Variants in TENM3 observed in about 807,000 individuals in gnomAD.
TENM3 encodes the protein teneurin transmembrane protein 3.
TENM3 carries 63 observed loss-of-function variants against 255.1 expected under a neutral mutation model. That is an observed-to-expected ratio of 0.25 (90% CI 0.20 to 0.30). TENM3 has a LOEUF of 0.30. TENM3 is among the 10% of genes least tolerant of loss of function. The probability of loss-of-function intolerance (pLI) is 1.00; values close to 1 mark genes in which losing one functional copy is unlikely to be tolerated. For missense variants in TENM3, 2,929 were observed against 3,461.1 expected, an observed-to-expected ratio of 0.85 and a Z score of 3.86; for synonymous variants, 1,306 against 1,322.3, an observed-to-expected ratio of 0.99 and a Z score of 0.27.
At chr4:182,239,696 G>A (rs148780455), upstream of TENM3, among the ~76,000 whole-genome samples, 1,217 of 152,206 alleles carry the variant, frequency 8.0e-3, 11 homozygotes, top group African/African-American at 0.028. Flanking sequence ...AGGGTAGGGA[G>A]AAAATACCAC....
At chr4:181,467,879 T>A in the TENM3 span, among the ~76,000 whole-genome samples, 2 of 151,932 alleles carry the variant, frequency 1.3e-5, no homozygotes, top group South Asian at 2.1e-4. Context: ...TACTTTCATC[T>A]GGATTGACCC....
chr4:182,467,197 G>T (rs565473881), intron 3 of TENM3, among the ~76,000 whole-genome samples: 2 of 152,116 alleles, frequency 1.3e-5, no homozygotes, highest in African/African-American at 4.8e-5. Flanking sequence ...GCATCTTAGA[G>T]TATCCTAGTC....
chr4:182,682,091 C>T, intron 11 of TENM3, 77 bp downstream of exon 11: 1 of 1,218,500 alleles, frequency 8.2e-7, no homozygotes, highest in Non-Finnish European at 1.2e-6. Context: ...CTTTAAACCT[C>T]CCTTTTTAAA....
the TENM3 span, among the ~76,000 whole-genome samples, chr4:182,052,233 T>C: frequency 6.6e-6 from 1 of 152,068 alleles, no homozygotes; most frequent in South Asian, 2.1e-4. Context: ...CTTTTATCCA[T>C]AGACCTCTTA....
At chr4:181,762,253 G>A in the TENM3 span, among the ~76,000 whole-genome samples, 1 of 152,270 alleles carries the variant, frequency 6.6e-6, no homozygotes, top group Admixed American at 6.5e-5. Flanking sequence ...GCAGTAGAAT[G>A]AGACTCCAAG....
chr4:182,789,410 C>T lies in TENM3; in HGVS notation c.5601+21C>T. ...AAAAGGTATGCCTGCAAACTAAGCT[C>T]AACAATAGGGAAAGGATAATTCACA... On this transcript the variant is annotated intron_variant, in intron 25 of 27. Transcript: ENST00000511685. The surrounding 1 kb of genome is among the most constrained non-coding windows in gnomAD (Gnocchi z 4.4). 1 of 1,597,506 alleles carries T rather than the reference C, an allele frequency of 6.3e-7. No individual in the cohort carries two copies. The highest frequency in any genetic ancestry group is 8.6e-7 in the Non-Finnish European group (1 of 1,168,630).
chr4:182,244,416 G>C (rs527307665), intron 1 of TENM3, among the ~76,000 whole-genome samples: 16 of 152,304 alleles, frequency 1.1e-4, no homozygotes, highest in Admixed American at 4.6e-4. Flanking sequence ...ATACATGTTA[G>C]AGTGATTGAC....
rs1018464219 is a variant in TENM3, at chr4:182,385,564, C to G, written c.511+38635C>G. On this transcript the variant is annotated intron_variant, in intron 3 of 27. Transcript: ENST00000511685. ...ATAGGCGTGAGCCACCGCGCCCAGC[C>G]AGTGCATCTTCTAAAGATAAGAAAT... Among the ~76,000 whole-genome samples the G allele has an allele frequency of 7.9e-5, 12 of 152,228 alleles. No homozygotes were observed. The East Asian group carries it at 2.3e-3, about 29-fold the overall frequency.
chr4:182,169,689 A>G (rs1751972869), intron 1 of TENM3, among the ~76,000 whole-genome samples: 1 of 152,110 alleles, frequency 6.6e-6, no homozygotes, highest in African/African-American at 2.4e-5. Context: ...TGTAATTTAC[A>G]TTGGCGTTTG....
the TENM3 span, among the ~76,000 whole-genome samples, chr4:181,837,418 T>C: frequency 6.6e-6 from 1 of 152,216 alleles, no homozygotes; most frequent in African/African-American, 2.4e-5. Context: ...CACAGGCTTT[T>C]TTCACATTTA....
chr4:182,621,371 A>G (rs1037004109), intron 4 of TENM3, among the ~76,000 whole-genome samples: 3 of 151,550 alleles, frequency 2.0e-5, no homozygotes, highest in Admixed American at 1.3e-4. Flanking sequence ...CCAGTCTGAT[A>G]TACACAATCG....
chr4:181,989,761 A>C, the TENM3 span, among the ~76,000 whole-genome samples: 1 of 152,152 alleles, frequency 6.6e-6, no homozygotes, highest in East Asian at 1.9e-4. Flanking sequence ...ACTGGCCAAA[A>C]TGTTCCAAAT....
At chr4:182,160,119 C>T (rs1751027172) in intron 1 of TENM3, among the ~76,000 whole-genome samples, 1 of 150,094 alleles carries the variant, frequency 6.7e-6, no homozygotes, top group Non-Finnish European at 1.5e-5. Context: ...TCTCCTGCCT[C>T]AGCCTCCCGA....
the TENM3 span, among the ~76,000 whole-genome samples, chr4:181,540,532 A>C: frequency 6.6e-6 from 1 of 152,190 alleles, no homozygotes; most frequent in Non-Finnish European, 1.5e-5. Context: ...CACAGCGTCC[A>C]GCAGGCCATG....
chr4:182,018,420 G>T, the TENM3 span, among the ~76,000 whole-genome samples: 1 of 152,098 alleles, frequency 6.6e-6, no homozygotes, highest in African/African-American at 2.4e-5. Context: ...TGGAGTGTTT[G>T]AAATAATTTG....
Position 182,490,507 on chromosome 4 carries a change from C to G in TENM3, c.512-110417C>G, listed in dbSNP as rs531244569. 3.4e-4 allele frequency among the ~76,000 whole-genome samples: 52 copies of G among 152,070 alleles called. 1 individual carries two copies. The South Asian group carries it at 0.01, about 30-fold the overall frequency. On this transcript the variant is annotated intron_variant, in intron 3 of 27. Coordinates refer to ENST00000511685, the MANE Select transcript of TENM3 (RefSeq NM_001080477.4). ...TGGGCGTTGTGAGTCAGGAGCTCAC[C>G]AAACAATAAATCATATTGTAGTGCG...
chr4:182,095,510 G>A, the TENM3 span, among the ~76,000 whole-genome samples: 8 of 152,178 alleles, frequency 5.3e-5, no homozygotes, highest in Non-Finnish European at 1.2e-4. Context: ...CATAGAGGTT[G>A]AGAGTAGAAT....
At chr4:181,726,053 A>G in the TENM3 span, among the ~76,000 whole-genome samples, 1 of 152,164 alleles carries the variant, frequency 6.6e-6, no homozygotes, top group African/African-American at 2.4e-5. Flanking sequence ...ATGAGAGAGA[A>G]TTTGATTTTT....
chr4:182,736,534 CT>C (rs1251860438), intron 16 of TENM3, among the ~76,000 whole-genome samples: 1 of 152,098 alleles, frequency 6.6e-6, no homozygotes, highest in Admixed American at 6.5e-5. Flanking sequence ...TGACAGGAGG[CT>C]TTTAGGAAGA....
Sources: allele counts gnomAD v4.1 joint callset (sites outside exome capture counted in the v4.1 genomes callset), GRCh38; gene constraint gnomAD v4.1.1; non-coding constraint Gnocchi (gnomAD v3.1); transcripts MANE v1.5; gene names NCBI Gene and HGNC (gene_info 2026-07-23, HGNC 2026-07-21).